FBXW11: variants seen among roughly 807,000 people sequenced by gnomAD.
FBXW11 encodes F-box and WD repeat domain containing 11, also known as F-box/WD repeat-containing protein 11.
FBXW11 carries 19 observed loss-of-function variants against 77.6 expected under a neutral mutation model. The observed-to-expected ratio is 0.24, with a 90% CI of 0.17 to 0.36. The LOEUF is 0.36. Ranked by LOEUF, FBXW11 falls within the 10% of genes least tolerant of loss-of-function variation. The pLI is 1.00. For missense variants in FBXW11, 334 were observed against 704.2 expected (o/e 0.47, Z 5.95); for synonymous variants, 235 against 249.4 (o/e 0.94, Z 0.54).
At chr5:171,981,471 G>A (rs1007009905) in intron 1 of FBXW11, among the ~76,000 whole-genome samples, 9 of 152,132 alleles carry the variant, frequency 5.9e-5, no homozygotes, top group African/African-American at 2.2e-4. Context: ...ACTTGTGACT[G>A]GCACCTTAAG....
At chr5:171,926,228 C>T (rs561211377) in intron 2 of FBXW11, among the ~76,000 whole-genome samples, 1 of 152,324 alleles carries the variant, frequency 6.6e-6, no homozygotes, top group Admixed American at 6.5e-5. Flanking sequence ...GAAACAGAAA[C>T]TCTTACTGAA....
At chr5:172,003,079 GGAAAT>G (rs1766514705) in intron 1 of FBXW11, 1 of 152,006 alleles carries the variant, frequency 6.6e-6, no homozygotes, top group Non-Finnish European at 1.5e-5. Context: ...AAGACAGAAG[GGAAAT>G]GACTCACTTA....
At chr5:171,993,519 A>T (rs1334470736) in intron 1 of FBXW11, among the ~76,000 whole-genome samples, 1 of 152,150 alleles carries the variant, frequency 6.6e-6, no homozygotes, top group Admixed American at 6.5e-5. Context: ...AGGCTGAGGC[A>T]GGAGAATCGA....
intron 1 of FBXW11, among the ~76,000 whole-genome samples, chr5:171,985,715 T>G (rs1765399162): frequency 6.6e-6 from 1 of 152,138 alleles, no homozygotes; most frequent in Non-Finnish European, 1.5e-5. Flanking sequence ...TGCAGTAAGC[T>G]ATGACTGCAC....
chr5:171,892,901 ACTTAATT>A (rs1260306300), intron 6 of FBXW11, among the ~76,000 whole-genome samples: 18 of 152,194 alleles, frequency 1.2e-4, no homozygotes, highest in Non-Finnish European at 1.9e-4. Flanking sequence ...TTGAAGGAGT[ACTTAATT>A]ACTGGCTCTG....
At chr5:171,919,544 G>A (rs1364947862) in intron 2 of FBXW11, among the ~76,000 whole-genome samples, 2 of 152,190 alleles carry the variant, frequency 1.3e-5, no homozygotes, top group African/African-American at 4.8e-5. Context: ...TTATCAAGTA[G>A]CTCCAAAGAA....
chr5:171,945,439 C>A (rs528486117), intron 2 of FBXW11, among the ~76,000 whole-genome samples: 2 of 152,168 alleles, frequency 1.3e-5, no homozygotes, highest in Non-Finnish European at 2.9e-5. Flanking sequence ...GTAGATACCC[C>A]TGTTTAGGTC....
intron 1 of FBXW11, among the ~76,000 whole-genome samples, chr5:171,973,947 A>ATG (rs1230294421): frequency 6.6e-6 from 1 of 152,212 alleles, no homozygotes; most frequent in East Asian, 1.9e-4. Flanking sequence ...AATGATATAT[A>ATG]TGTGTGTGTA....
At chr5:171,935,247 G>A (rs113971607) in intron 2 of FBXW11, among the ~76,000 whole-genome samples, 7,318 of 152,192 alleles carry the variant, frequency 0.048, 534 homozygotes, top group African/African-American at 0.17. Context: ...GTGAGCCACC[G>A]CGCCCAGCCG....
At chr5:171,996,327 C>T (rs1766043350) in intron 1 of FBXW11, among the ~76,000 whole-genome samples, 1 of 152,186 alleles carries the variant, frequency 6.6e-6, no homozygotes, top group African/African-American at 2.4e-5. Context: ...TCTCTGTTTA[C>T]TGTATTTCCT....
chr5:171,881,122 T>G (rs1297669920), intron 7 of FBXW11, among the ~76,000 whole-genome samples: 2 of 151,756 alleles, frequency 1.3e-5, no homozygotes, highest in African/African-American at 4.9e-5. Flanking sequence ...TTCTAGGAGG[T>G]TTTTTTTGTT....
At chr5:171,940,881 G>A (rs1314995989) in intron 2 of FBXW11, among the ~76,000 whole-genome samples, 3 of 38,834 alleles carry the variant, frequency 7.7e-5, no homozygotes, top group South Asian at 2.2e-3. Context: ...GCAAGACTCC[G>A]TCTCAAAAAA....
intron 2 of FBXW11, among the ~76,000 whole-genome samples, chr5:171,936,826 C>T (rs1200995991): frequency 6.6e-6 from 1 of 151,936 alleles, no homozygotes; most frequent in Non-Finnish European, 1.5e-5. Flanking sequence ...GAAAGCTTAT[C>T]ATATATTAGA....
chr5:171,967,037 G>T (rs1055476765), intron 1 of FBXW11, among the ~76,000 whole-genome samples: 22 of 152,050 alleles, frequency 1.4e-4, no homozygotes, highest in African/African-American at 5.3e-4. Context: ...ATCTATAATT[G>T]CCCGTCACTT....
chr5:171,889,055 G>A (rs540048307), intron 7 of FBXW11, among the ~76,000 whole-genome samples: 1 of 152,256 alleles, frequency 6.6e-6, no homozygotes, highest in Admixed American at 6.5e-5. Context: ...GTCTCAGAAG[G>A]AAAGGAGAAA....
intron 2 of FBXW11, among the ~76,000 whole-genome samples, chr5:171,919,678 T>C (rs570698203): frequency 2.0e-4 from 30 of 152,334 alleles, no homozygotes; most frequent in African/African-American, 7.2e-4. Context: ...GTTTTACACA[T>C]TGGGGGAACC....
intron 7 of FBXW11, among the ~76,000 whole-genome samples, chr5:171,880,873 T>C (rs1388241264): frequency 6.6e-6 from 1 of 152,176 alleles, no homozygotes; most frequent in East Asian, 1.9e-4. Flanking sequence ...TTTTTGTATT[T>C]TTAGTGGAGA....
At chr5:171,966,563 G>A (rs975654697) in intron 1 of FBXW11, among the ~76,000 whole-genome samples, 2 of 152,194 alleles carry the variant, frequency 1.3e-5, no homozygotes, top group African/African-American at 2.4e-5. Flanking sequence ...TAGGACCAGC[G>A]TGAGGTTCAG....
At position 171,898,964 on chromosome 5, in the gene FBXW11, GA is replaced by G. The variant is rs1470685752; in HGVS notation, c.714+39del. The G allele has an allele frequency of 2.3e-6, 3 of 1,315,138 alleles. No individual in the cohort carries two copies. In the African/African-American group the frequency reaches 4.5e-5, roughly 20 times the overall value. The allele number at this position is 1,315,138 out of a possible 1,614,324, so 81.5% of individuals were successfully genotyped here. On this transcript the variant is annotated intron_variant, in intron 6 of 13. Transcript: ENST00000517395. Reference sequence around the variant, plus strand: ...AGGCAACATAAAAAGTTGAGAACAAGAAACAAAGAGCCCATAAAACAGATAA... The same window carrying G: ...AGGCAACATAAAAAGTTGAGAACAAGAACAAAGAGCCCATAAAACAGATAA...
Sources: gnomAD v4.1 joint callset for allele counts (sites outside exome capture counted in the v4.1 genomes callset) on GRCh38, gnomAD v4.1.1 for gene constraint, MANE v1.5 for transcripts, NCBI Gene and HGNC (gene_info 2026-07-23, HGNC 2026-07-21) for gene names.